OSBPL3: variants seen among roughly 807,000 people sequenced by gnomAD.
OSBPL3 encodes the protein oxysterol binding protein like 3, also known as oxysterol-binding protein-related protein 3.
Under a neutral mutation model 120.1 loss-of-function variants are expected in OSBPL3, and 65 were observed. The observed-to-expected ratio is 0.54, with a 90% CI of 0.44 to 0.67. The LOEUF is 0.67. OSBPL3 is among the 30% of genes least tolerant of loss of function. The probability of loss-of-function intolerance (pLI) is 0.00; values close to 1 mark genes in which losing one functional copy is unlikely to be tolerated. For synonymous variants in OSBPL3, 416 were observed against 402.6 expected, an observed-to-expected ratio of 1.03 and a Z score of -0.40; for missense variants, 1,004 against 1,082.1, an observed-to-expected ratio of 0.93 and a Z score of 1.01.
intron 1 of OSBPL3, among the ~76,000 whole-genome samples, chr7:24,907,028 T>C (rs118155985): frequency 6.6e-6 from 1 of 152,102 alleles, no homozygotes. Context: ...CCACCCTCTA[T>C]TAATCCAACC....
rs978363269 is a variant in OSBPL3 at position 24,896,271 on chromosome 7, C to T, written c.-149-3650G>A. 5.9e-5 allele frequency among the ~76,000 whole-genome samples: 9 copies of T among 152,228 alleles called. No homozygotes were observed. Among genetic ancestry groups the T allele is most frequent in the South Asian group, 2.1e-4 (1 of 4,828 alleles). On this transcript the variant is annotated intron_variant, in intron 1 of 22. Transcript: ENST00000313367. This position sits in a 1 kb window ranked among gnomAD's most constrained non-coding sequence, Gnocchi z 4.4. The stretch of plus-strand genomic sequence containing the variant: ...ATCACAGAGGCCACCAAAACCAACA[C>T]GTGTCAAACACCAGATGCACTTGTG...
rs1814685649 is a variant in OSBPL3, at chr7:24,953,465, G to A, written c.-150+26421C>T. ...TTAAAAAAAAAAGTATTACGTATCT[G>A]CTGAATTGTAATCAGACTTGAATAA... On this transcript the variant is annotated intron_variant, in intron 1 of 22. Transcript: ENST00000313367. The surrounding 1 kb of genome is among the most constrained non-coding windows in gnomAD (Gnocchi z 4.3). Among the ~76,000 whole-genome samples, 2 of 152,166 alleles carry A rather than the reference G, an allele frequency of 1.3e-5. No homozygotes were observed. The highest frequency in any genetic ancestry group is 6.5e-5 in the Admixed American group (1 of 15,274).
intron 2 of OSBPL3, among the ~76,000 whole-genome samples, chr7:24,875,181 T>C (rs1181896233): frequency 6.6e-6 from 1 of 152,216 alleles, no homozygotes; most frequent in Non-Finnish European, 1.5e-5. Flanking sequence ...CACACATATA[T>C]CAAAGTATTT....
chr7:24,829,000 C>G (rs564248306), intron 16 of OSBPL3, among the ~76,000 whole-genome samples: 12 of 152,206 alleles, frequency 7.9e-5, no homozygotes, highest in African/African-American at 2.9e-4. Context: ...GCTCTGATTT[C>G]TCCCCCACTG....
rs545111233 is a variant in OSBPL3, at chr7:24,843,288, A to G, written c.1267-875T>C. ...GTGGAGAGACTGATTCTGATTAGGG[A>G]GATTTTGTTTGAGGAGGGCTTCATA... On this transcript the variant is annotated intron_variant, in intron 12 of 22. Transcript: ENST00000313367. Among the ~76,000 whole-genome samples, 6 of 152,302 alleles carry G rather than the reference A, an allele frequency of 3.9e-5. No homozygotes were observed. In the East Asian group the frequency reaches 1.2e-3, roughly 29 times the overall value.
At position 24,894,946 on chromosome 7, in the gene OSBPL3, C is replaced by T. The variant is rs1478225824; in HGVS notation, c.-149-2325G>A. Among the ~76,000 whole-genome samples the T allele has an allele frequency of 1.3e-5, 2 of 152,186 alleles. No homozygotes were observed. The highest frequency in any genetic ancestry group is 1.9e-4 in the East Asian group (1 of 5,190). On this transcript the variant is annotated intron_variant, in intron 1 of 22. Transcript: ENST00000313367. This position sits in a 1 kb window ranked among gnomAD's most constrained non-coding sequence, Gnocchi z 4.1. ...CAAAGTTGGCACTTAGAGCCAAGGG[C>T]TCTGCCAGCATGACCCCCTGGTGAC... is the stretch of plus-strand genomic sequence containing the variant.
At chr7:24,963,795 C>T (rs966954287) in intron 1 of OSBPL3, among the ~76,000 whole-genome samples, 9 of 152,170 alleles carry the variant, frequency 5.9e-5, no homozygotes, top group Non-Finnish European at 1.0e-4. Context: ...TAGTGTTTTT[C>T]ACCGTGGGTA....
At chr7:24,921,336 C>T (rs1810355563) in intron 1 of OSBPL3, among the ~76,000 whole-genome samples, 1 of 152,116 alleles carries the variant, frequency 6.6e-6, no homozygotes, top group Admixed American at 6.6e-5. Flanking sequence ...TAATGAAAAG[C>T]CTGAACTGCA....
intron 1 of OSBPL3, among the ~76,000 whole-genome samples, chr7:24,974,657 T>C (rs1309725870): frequency 6.6e-6 from 1 of 152,158 alleles, no homozygotes; most frequent in Non-Finnish European, 1.5e-5. Context: ...GGGGTATTAC[T>C]AGGCAATAAA....
chr7:24,810,620 C>A (rs184042184), intron 19 of OSBPL3, among the ~76,000 whole-genome samples: 2 of 152,198 alleles, frequency 1.3e-5, no homozygotes, highest in Non-Finnish European at 1.5e-5. Context: ...TCATGTTGTA[C>A]GATAGATTTC....
At position 24,834,474 on chromosome 7, in the gene OSBPL3, C is replaced by A; in HGVS notation, c.1746+12G>T. 6.2e-7 allele frequency: 1 copy of A among 1,601,872 alleles called. No individual in the cohort carries two copies. Among genetic ancestry groups the A allele is most frequent in the Non-Finnish European group, 8.5e-7 (1 of 1,173,164 alleles). ...GAGGCTGGACAGTGGCAAGGGAAGG[C>A]TGACTCCTCACCATCCTTTCCAGGG... On this transcript the variant is annotated intron_variant, in intron 15 of 22. Coordinates refer to ENST00000313367, the MANE Select transcript of OSBPL3 (RefSeq NM_015550.4). This position sits in a 1 kb window ranked among gnomAD's most constrained non-coding sequence, Gnocchi z 5.2.
intron 1 of OSBPL3, among the ~76,000 whole-genome samples, 188 bp downstream of exon 1, chr7:24,979,698 G>A (rs1818032991): frequency 1.3e-5 from 2 of 152,288 alleles, no homozygotes; most frequent in Non-Finnish European, 2.9e-5. Context: ...TTCCCCGGGA[G>A]CTGCAGCCGG....
chr7:24,907,499 C>T (rs953275639), intron 1 of OSBPL3, among the ~76,000 whole-genome samples: 1 of 151,774 alleles, frequency 6.6e-6, no homozygotes, highest in African/African-American at 2.4e-5. Flanking sequence ...TGCCAGACAT[C>T]ACTCAGTTAC....
intron 5 of OSBPL3, among the ~76,000 whole-genome samples, chr7:24,866,474 C>CA (rs944555404): frequency 1.3e-5 from 2 of 151,916 alleles, no homozygotes; most frequent in Admixed American, 1.3e-4. Context: ...CCTGTCTCTA[C>CA]AAAAAATACC....
rs1173161644 is a variant in OSBPL3 at position 24,930,574 on chromosome 7, T to C, written c.-149-37953A>G. Reference sequence around the variant, plus strand: ...AAAGATCACATATTAAAAATACATATGCAGTGTACTTCAAAGGGCCTCTTA... The same window carrying C: ...AAAGATCACATATTAAAAATACATACGCAGTGTACTTCAAAGGGCCTCTTA... On this transcript the variant is annotated intron_variant, in intron 1 of 22. Coordinates refer to ENST00000313367, the MANE Select transcript of OSBPL3 (RefSeq NM_015550.4). This position sits in a 1 kb window ranked among gnomAD's most constrained non-coding sequence, Gnocchi z 4.4. Among the ~76,000 whole-genome samples, 4 of 152,114 alleles carry C rather than the reference T, an allele frequency of 2.6e-5. No homozygotes were observed. The highest frequency in any genetic ancestry group is 1.9e-4 in the East Asian group (1 of 5,194).
At position 24,940,350 on chromosome 7, in the gene OSBPL3, T is replaced by C. The variant is rs1280683555; in HGVS notation, c.-150+39536A>G. On this transcript the variant is annotated intron_variant, in intron 1 of 22. Coordinates refer to ENST00000313367, the MANE Select transcript of OSBPL3 (RefSeq NM_015550.4). The surrounding 1 kb of genome is among the most constrained non-coding windows in gnomAD (Gnocchi z 4.4). ...AGAAAGAAATGAATCCTATAGAAGA[T>C]CAGGAGGTGTAGAAATTACTGGTAC... Among the ~76,000 whole-genome samples, 1 of 151,970 alleles carries C rather than the reference T, an allele frequency of 6.6e-6. No individual in the cohort carries two copies. Among genetic ancestry groups the C allele is most frequent in the East Asian group, 1.9e-4 (1 of 5,176 alleles).
chr7:24,814,795 A>G (rs1311530989), intron 19 of OSBPL3, among the ~76,000 whole-genome samples: 1 of 152,168 alleles, frequency 6.6e-6, no homozygotes, highest in Admixed American at 6.5e-5. Flanking sequence ...CAAGGTGCAT[A>G]CATACTGCAG....
At position 24,947,668 on chromosome 7, in the gene OSBPL3, A is replaced by C. The variant is rs1359590772; in HGVS notation, c.-150+32218T>G. 6.6e-6 allele frequency among the ~76,000 whole-genome samples: 1 copy of C among 152,298 alleles called. No homozygotes were observed. Among genetic ancestry groups the C allele is most frequent in the East Asian group, 1.9e-4 (1 of 5,190 alleles). On this transcript the variant is annotated intron_variant, in intron 1 of 22. Coordinates refer to ENST00000313367, the MANE Select transcript of OSBPL3 (RefSeq NM_015550.4). This position sits in a 1 kb window ranked among gnomAD's most constrained non-coding sequence, Gnocchi z 4.4. Reference sequence around the variant, plus strand: ...GAATCACTATTTCTGAGTAGATAGCACAGTATTTATTGAAATTTGAACATT... The same window carrying C: ...GAATCACTATTTCTGAGTAGATAGCCCAGTATTTATTGAAATTTGAACATT...
chr7:24,948,865 T>A (rs1175131011), intron 1 of OSBPL3, among the ~76,000 whole-genome samples: 3 of 152,170 alleles, frequency 2.0e-5, no homozygotes, highest in Non-Finnish European at 2.9e-5. Flanking sequence ...TCACAGGAAA[T>A]CAGTTGTTCG....
Sources: gnomAD v4.1 joint callset for allele counts (sites outside exome capture counted in the v4.1 genomes callset) on GRCh38, gnomAD v4.1.1 for gene constraint, Gnocchi (gnomAD v3.1) non-coding constraint, MANE v1.5 for transcripts, NCBI Gene and HGNC (gene_info 2026-07-23, HGNC 2026-07-21) for gene names.